The following TNR variants were observed in gnomAD, a reference collection of about 807,000 sequenced individuals.
TNR encodes the protein tenascin-R.
TNR carries 45 observed loss-of-function variants against 150.4 expected under a neutral mutation model. The observed-to-expected ratio is 0.30, with a 90% confidence interval of 0.24 to 0.38. TNR has a LOEUF of 0.38. Among genes scored for constraint, TNR ranks in the 10% least tolerant of loss-of-function variants. The pLI is 1.00. For missense variants in TNR, 1,544 were observed against 1,759.1 expected (o/e 0.88, Z 2.19); for synonymous variants, 687 against 678.4 (o/e 1.01, Z -0.20).
At chr1:175,491,642 C>CTTTTT (rs60469855) in intron 2 of TNR, among the ~76,000 whole-genome samples, 31 of 85,182 alleles carry the variant, frequency 3.6e-4, no homozygotes, top group East Asian at 9.9e-4. Context: ...CAGGCCCAGA[C>CTTTTT]TTTTTTTTTT....
chr1:175,352,395 G>A (rs1446598201), intron 18 of TNR, among the ~76,000 whole-genome samples: 1 of 152,212 alleles, frequency 6.6e-6, no homozygotes, highest in Admixed American at 6.5e-5. Context: ...CTCAGTTTAA[G>A]TGTCTGTCAT....
intron 1 of TNR, among the ~76,000 whole-genome samples, chr1:175,636,711 C>G (rs1664501492): frequency 6.6e-6 from 1 of 152,132 alleles, no homozygotes; most frequent in South Asian, 2.1e-4. Context: ...TTCCAGTGCT[C>G]TCTGCTATGT....
At chr1:175,465,597 C>T (rs1656999963) in intron 2 of TNR, among the ~76,000 whole-genome samples, 1 of 152,118 alleles carries the variant, frequency 6.6e-6, no homozygotes, top group Admixed American at 6.5e-5. Flanking sequence ...GGTCAAGCCT[C>T]TCATGTCTGG....
intron 1 of TNR, among the ~76,000 whole-genome samples, chr1:175,697,839 A>G (rs185388182): frequency 1.3e-3 from 191 of 152,318 alleles, no homozygotes; most frequent in Non-Finnish European, 2.0e-3. Flanking sequence ...CCTCACAATA[A>G]CCAGGGGAAG....
intron 4 of TNR, among the ~76,000 whole-genome samples, chr1:175,400,715 C>T (rs1040414620): frequency 6.6e-6 from 1 of 152,142 alleles, no homozygotes; most frequent in Non-Finnish European, 1.5e-5. Flanking sequence ...AGTGTTTTCA[C>T]CTTCCTAACC....
chr1:175,522,726 C>CA (rs1178515232), intron 2 of TNR, among the ~76,000 whole-genome samples: 1 of 151,976 alleles, frequency 6.6e-6, no homozygotes, highest in Non-Finnish European at 1.5e-5. Context: ...TGCCCCCCCA[C>CA]AAAAAATAAA....
intron 1 of TNR, among the ~76,000 whole-genome samples, chr1:175,620,794 T>C (rs1362076686): frequency 6.6e-6 from 1 of 152,034 alleles, no homozygotes; most frequent in Non-Finnish European, 1.5e-5. Context: ...TATGGGATGC[T>C]CTTTCATGGA....
At chr1:175,440,354 A>G (rs1176548292) in intron 2 of TNR, among the ~76,000 whole-genome samples, 1 of 138,692 alleles carries the variant, frequency 7.2e-6, no homozygotes, top group Non-Finnish European at 1.5e-5. Flanking sequence ...GAAGGGGAAC[A>G]TCATACACCG....
chr1:175,486,202 G>A (rs1658004998), intron 2 of TNR, among the ~76,000 whole-genome samples: 1 of 151,832 alleles, frequency 6.6e-6, no homozygotes, highest in Admixed American at 6.6e-5. Context: ...GTATACACGT[G>A]GCATGGTGGT....
Position 175,323,441 on chromosome 1 carries a change from G to T in TNR, c.3993C>A (p.Phe1331Leu). ...TCTTCATTTCCACAAAGGGGATGGA[G>T]AACTCATGGCCTTTCCAATGGTACC... ...INWYHWKGHEFSIPFVEMKMR... is the reference protein window; with the variant it reads ...INWYHWKGHELSIPFVEMKMR... The change falls in exon 23 of 23, where the codon TTC becomes TTA. Residue 1331 changes from phenylalanine (F) to leucine (L), a missense_variant. Physicochemically the swap from Phe to Leu is conservative, Grantham distance 22. This residue lies in a region of TNR where 290 missense variants were observed against 429.7 expected (regional missense o/e 0.67). Transcript: ENST00000367674. The T allele has an allele frequency of 8.7e-6, 14 of 1,614,106 alleles. No individual in the cohort carries two copies. Among genetic ancestry groups the T allele is most frequent in the Non-Finnish European group, 1.2e-5 (14 of 1,179,958 alleles).
At chr1:175,349,772 T>C (rs1650969429) in intron 18 of TNR, among the ~76,000 whole-genome samples, 1 of 152,192 alleles carries the variant, frequency 6.6e-6, no homozygotes, top group South Asian at 2.1e-4. Flanking sequence ...TCTATTAATT[T>C]TGGACATGCA....
chr1:175,472,587 G>A (rs534244786), intron 2 of TNR, among the ~76,000 whole-genome samples: 2 of 152,158 alleles, frequency 1.3e-5, no homozygotes, highest in Admixed American at 1.3e-4. Flanking sequence ...CGTCACTAGA[G>A]GATAGGAATT....
At chr1:175,483,867 T>C (rs1289488479) in intron 2 of TNR, among the ~76,000 whole-genome samples, 1 of 152,166 alleles carries the variant, frequency 6.6e-6, no homozygotes, top group Non-Finnish European at 1.5e-5. Flanking sequence ...CCAGGTGCAC[T>C]GTCACCTACC....
At chr1:175,454,796 G>T (rs1003026872) in intron 2 of TNR, among the ~76,000 whole-genome samples, 1 of 152,192 alleles carries the variant, frequency 6.6e-6, no homozygotes, top group African/African-American at 2.4e-5. Context: ...TTAGCTGAAT[G>T]ATTTTAAACA....
chr1:175,645,379 A>T (rs1355948067), intron 1 of TNR, among the ~76,000 whole-genome samples: 10 of 152,198 alleles, frequency 6.6e-5, no homozygotes, highest in Non-Finnish European at 1.5e-4. Context: ...CCCGGCAGCC[A>T]TGGTGAAACA....
intron 1 of TNR, among the ~76,000 whole-genome samples, chr1:175,702,650 G>C (rs1173205758): frequency 1.3e-5 from 2 of 152,240 alleles, no homozygotes; most frequent in Non-Finnish European, 2.9e-5. Context: ...TTACCAAAAA[G>C]AGCTTCAAGG....
intron 2 of TNR, among the ~76,000 whole-genome samples, chr1:175,486,190 C>T (rs892861286): frequency 1.2e-4 from 18 of 151,300 alleles, no homozygotes; most frequent in Non-Finnish European, 2.1e-4. Context: ...TTTGTTGCAT[C>T]GGTATACACG....
At chr1:175,387,868 G>C (rs1182461571) in intron 7 of TNR, among the ~76,000 whole-genome samples, 2 of 152,056 alleles carry the variant, frequency 1.3e-5, no homozygotes, top group Non-Finnish European at 2.9e-5. Context: ...CCTCTTTCCG[G>C]GTCTTAGCCT....
intron 2 of TNR, among the ~76,000 whole-genome samples, chr1:175,431,033 C>A (rs965869791): frequency 2.0e-5 from 3 of 152,132 alleles, no homozygotes; most frequent in African/African-American, 7.2e-5. Context: ...TCATCATCTG[C>A]TTTTTCTCAT....
Sources: allele counts gnomAD v4.1 joint callset (sites outside exome capture counted in the v4.1 genomes callset), GRCh38; gene constraint gnomAD v4.1.1; regional missense constraint gnomAD v4.1.1; transcripts MANE v1.5; gene names NCBI Gene and HGNC (gene_info 2026-07-23, HGNC 2026-07-21).